CDH13: variants seen among roughly 807,000 people sequenced by gnomAD.
CDH13 encodes cadherin-13.
CDH13 carries 24 observed loss-of-function variants against 63.8 expected under a neutral mutation model. The ratio of observed to expected loss-of-function variants is 0.38; its 90% CI spans 0.27 to 0.53. The LOEUF (loss-of-function observed/expected upper bound fraction) is 0.53. CDH13 is among the 20% of genes least tolerant of loss of function. The probability of loss-of-function intolerance (pLI) is 0.85; values close to 1 mark genes in which losing one functional copy is unlikely to be tolerated. For missense variants in CDH13, 1,049 were observed against 903.1 expected (o/e 1.16, Z -2.07); for synonymous variants, 503 against 355.3 (o/e 1.42, Z -4.67).
At chr16:82,689,981 C>CCAAAAAAAAAA (rs1915472581) in intron 1 of CDH13, among the ~76,000 whole-genome samples, 1 of 6,484 alleles carries the variant, frequency 1.5e-4, no homozygotes, top group African/African-American at 4.9e-4. Context: ...GCCATCTCTA[C>CCAAAAAAAAAA]TAAAAAAAAA....
At chr16:83,601,438 G>C (rs894705714) in intron 7 of CDH13, among the ~76,000 whole-genome samples, 1 of 152,208 alleles carries the variant, frequency 6.6e-6, no homozygotes, top group African/African-American at 2.4e-5. Flanking sequence ...AGAGAGAATA[G>C]TGCAATATTG....
intron 1 of CDH13, among the ~76,000 whole-genome samples, chr16:82,837,339 C>T (rs895512063): frequency 3.3e-5 from 5 of 152,058 alleles, no homozygotes; most frequent in African/African-American, 9.7e-5. Flanking sequence ...GTAAAGTGCT[C>T]CCCCCTGGTT....
intron 1 of CDH13, among the ~76,000 whole-genome samples, chr16:82,847,039 C>T (rs2039288218): frequency 1.3e-5 from 2 of 152,188 alleles, no homozygotes; most frequent in South Asian, 2.1e-4. Context: ...CTTATTCTCC[C>T]TTCCTTCCCC....
At position 83,055,937 on chromosome 16, in the gene CDH13, A is replaced by G. The variant is rs1040304935; in HGVS notation, c.366+23719A>G. Among the ~76,000 whole-genome samples the G allele has an allele frequency of 2.6e-5, 4 of 152,284 alleles. No individual in the cohort carries two copies. The East Asian group carries it at 7.7e-4, about 29-fold the overall frequency. On this transcript the variant is annotated intron_variant, in intron 3 of 13. Coordinates refer to ENST00000567109, the MANE Select transcript of CDH13 (RefSeq NM_001257.5). ...AGGCAGGCTATACAGTGGAAAAAAA[A>G]TCTTTGTAATATATGGGTCTATTAC... is the stretch of plus-strand genomic sequence containing the variant.
chr16:83,090,526 A>C (rs2033849577), intron 3 of CDH13, among the ~76,000 whole-genome samples: 2 of 150,480 alleles, frequency 1.3e-5, no homozygotes, highest in Admixed American at 1.3e-4. Flanking sequence ...GTGAGTCGAG[A>C]TCGCGTCATT....
At chr16:82,957,727 A>G (rs1906337190) in intron 2 of CDH13, among the ~76,000 whole-genome samples, 1 of 152,194 alleles carries the variant, frequency 6.6e-6, no homozygotes, top group Non-Finnish European at 1.5e-5. Context: ...ATTTTCCCAC[A>G]AGGATGTTAT....
chr16:83,614,395 G>C (rs1211984626), intron 8 of CDH13, among the ~76,000 whole-genome samples: 1 of 152,182 alleles, frequency 6.6e-6, no homozygotes, highest in Non-Finnish European at 1.5e-5. Flanking sequence ...TCACTTCTCA[G>C]TCCCTTGTCT....
At chr16:83,494,077 C>T (rs1045284620) in intron 7 of CDH13, among the ~76,000 whole-genome samples, 2 of 152,214 alleles carry the variant, frequency 1.3e-5, no homozygotes, top group African/African-American at 2.4e-5. Context: ...AGACACTTAA[C>T]TTTATCATGA....
chr16:83,488,771 C>T (rs770579873), intron 7 of CDH13, among the ~76,000 whole-genome samples: 14 of 152,186 alleles, frequency 9.2e-5, no homozygotes, highest in Non-Finnish European at 1.8e-4. Context: ...AATACAGGCG[C>T]CTGCCACCAC....
chr16:83,739,672 A>T (rs1911878534), intron 10 of CDH13, among the ~76,000 whole-genome samples: 1 of 152,092 alleles, frequency 6.6e-6, no homozygotes, highest in South Asian at 2.1e-4. Context: ...GGGACAAGAG[A>T]GACAGGTGGC....
intron 1 of CDH13, among the ~76,000 whole-genome samples, chr16:82,634,799 A>T (rs1389147002): frequency 1.3e-5 from 2 of 152,134 alleles, no homozygotes; most frequent in African/African-American, 4.8e-5. Flanking sequence ...GCCGTTGGGG[A>T]CTTTTCCTCC....
At chr16:83,481,404 C>G (rs942217895) in intron 6 of CDH13, among the ~76,000 whole-genome samples, 1 of 152,214 alleles carries the variant, frequency 6.6e-6, no homozygotes, top group African/African-American at 2.4e-5. Context: ...TCATGGCCAG[C>G]TGAAAACCCC....
At chr16:83,575,230 T>A (rs746571369) in intron 7 of CDH13, among the ~76,000 whole-genome samples, 3 of 152,236 alleles carry the variant, frequency 2.0e-5, no homozygotes, top group Admixed American at 1.3e-4. Context: ...ATTATGGTGA[T>A]GGTGATGGTT....
intron 7 of CDH13, among the ~76,000 whole-genome samples, chr16:83,560,646 A>G (rs1467466815): frequency 6.6e-6 from 1 of 152,210 alleles, no homozygotes; most frequent in African/African-American, 2.4e-5. Context: ...AGAAAACAAA[A>G]ATGGTCATTG....
At chr16:83,448,535 T>C (rs766061830) in intron 6 of CDH13, among the ~76,000 whole-genome samples, 3 of 152,300 alleles carry the variant, frequency 2.0e-5, no homozygotes, top group East Asian at 3.9e-4. Flanking sequence ...GATAGGGGCC[T>C]CTTCATAGAG....
rs574861890 is a variant in CDH13 at position 83,319,586 on chromosome 16, A to G, written c.637-25276A>G. On this transcript the variant is annotated intron_variant, in intron 5 of 13. Transcript: ENST00000567109. Reference sequence around the variant, plus strand: ...AAAATATGAAATATTGAAATCCTCAATATTTTTCATTTAGAACAAGGAGAA... The same window carrying G: ...AAAATATGAAATATTGAAATCCTCAGTATTTTTCATTTAGAACAAGGAGAA... Among the ~76,000 whole-genome samples the G allele has an allele frequency of 3.9e-5, 6 of 152,352 alleles. No homozygotes were observed. In the South Asian group the frequency reaches 1.0e-3, roughly 26 times the overall value.
intron 1 of CDH13, chr16:82,705,285 C>T (rs1416458271): frequency 2.3e-5 from 9 of 384,924 alleles, no homozygotes; most frequent in Admixed American, 3.6e-5. Context: ...GTGAGATGTC[C>T]AATATATTCT....
chr16:83,377,441 C>T (rs373447707), intron 6 of CDH13, among the ~76,000 whole-genome samples: 5 of 152,238 alleles, frequency 3.3e-5, no homozygotes, highest in African/African-American at 1.2e-4. Flanking sequence ...TATAGTTTCC[C>T]TTCCTCCTGG....
intron 3 of CDH13, among the ~76,000 whole-genome samples, chr16:83,066,537 C>A (rs920321783): frequency 1.3e-5 from 2 of 152,138 alleles, no homozygotes; most frequent in Admixed American, 1.3e-4. Flanking sequence ...GATTATAAAG[C>A]CTGAATACCA....
Sources: gnomAD v4.1 joint callset for allele counts (sites outside exome capture counted in the v4.1 genomes callset) on GRCh38, gnomAD v4.1.1 for gene constraint, MANE v1.5 for transcripts, NCBI Gene and HGNC (gene_info 2026-07-23, HGNC 2026-07-21) for gene names.